SEC24D: variants seen among roughly 807,000 people sequenced by gnomAD.
SEC24D encodes the protein protein transport protein Sec24D.
In SEC24D, 69 loss-of-function variants were observed where a neutral mutation model predicts 116.9. The ratio of observed to expected loss-of-function variants is 0.59; its 90% CI spans 0.49 to 0.72. The LOEUF is 0.72. SEC24D is among the 30% of genes least tolerant of loss of function. The pLI is 0.00. For synonymous variants in SEC24D, 405 were observed against 442.8 expected (o/e 0.91, Z 1.07); for missense variants, 1,131 against 1,264.1 (o/e 0.89, Z 1.60).
At chr4:118,765,690 GTAAAGAACAACATTGCCATTT>G (rs1475120132) in intron 9 of SEC24D, among the ~76,000 whole-genome samples, 44 of 152,252 alleles carry the variant, frequency 2.9e-4, no homozygotes, top group African/African-American at 1.0e-3. Flanking sequence ...TAAACTTTTT[GTAAAGAACAACATTGCCATTT>G]GTAAAAACCA....
chr4:118,801,814 ATT>A (rs890988000), intron 7 of SEC24D, among the ~76,000 whole-genome samples: 2 of 152,236 alleles, frequency 1.3e-5, no homozygotes, highest in Admixed American at 1.3e-4. Context: ...GCAATTGAGA[ATT>A]TGTTTCTATA....
chr4:118,754,782 CTTTA>C (rs973210507), intron 11 of SEC24D, among the ~76,000 whole-genome samples: 1 of 152,086 alleles, frequency 6.6e-6, no homozygotes, highest in Non-Finnish European at 1.5e-5. Flanking sequence ...CAAATTAAGG[CTTTA>C]TTTTTTTGAG....
At chr4:118,790,477 A>T (rs1560702902) in intron 8 of SEC24D, among the ~76,000 whole-genome samples, 1 of 152,206 alleles carries the variant, frequency 6.6e-6, no homozygotes, top group Non-Finnish European at 1.5e-5. Context: ...CAAAAATTAA[A>T]ACACAGTTTA....
At chr4:118,742,074 TGAAA>T (rs1265191756) in intron 15 of SEC24D, among the ~76,000 whole-genome samples, 3 of 152,118 alleles carry the variant, frequency 2.0e-5, no homozygotes, top group Non-Finnish European at 4.4e-5. Context: ...TTAGTAACAT[TGAAA>T]GAATCAGTAA....
intron 8 of SEC24D, among the ~76,000 whole-genome samples, chr4:118,776,899 A>G (rs1400904729): frequency 6.6e-6 from 1 of 152,178 alleles, no homozygotes; most frequent in African/African-American, 2.4e-5. Context: ...TGACAGAACA[A>G]TTGGCAGCTT....
chr4:118,750,743 T>C (rs146799216), intron 13 of SEC24D, among the ~76,000 whole-genome samples: 26 of 152,328 alleles, frequency 1.7e-4, no homozygotes, highest in Middle Eastern at 3.4e-3. Context: ...TTCCTTTCTT[T>C]CTGAAGACCA....
chr4:118,765,262 T>C (rs1224785899), intron 9 of SEC24D, among the ~76,000 whole-genome samples: 4 of 152,236 alleles, frequency 2.6e-5, no homozygotes, highest in Non-Finnish European at 4.4e-5. Flanking sequence ...TTCTAACTAT[T>C]TGAATTTTTA....
chr4:118,757,538 T>A (rs1237597299), intron 11 of SEC24D, among the ~76,000 whole-genome samples, 183 bp downstream of exon 11: 4 of 152,186 alleles, frequency 2.6e-5, no homozygotes, highest in African/African-American at 9.7e-5. Flanking sequence ...TTCTTTTGCT[T>A]TGTACAAAAG....
intron 10 of SEC24D, among the ~76,000 whole-genome samples, chr4:118,759,649 C>T (rs1392287472): frequency 3.3e-5 from 5 of 152,322 alleles, no homozygotes; most frequent in Non-Finnish European, 7.4e-5. Context: ...CACCAGACCA[C>T]TTTGGCTCTC....
At chr4:118,820,711 G>T (rs1730366671) in intron 3 of SEC24D, among the ~76,000 whole-genome samples, 1 of 151,596 alleles carries the variant, frequency 6.6e-6, no homozygotes. Context: ...ACCATATAGA[G>T]TTAAATAAAT....
intron 19 of SEC24D, among the ~76,000 whole-genome samples, chr4:118,733,512 A>G (rs542905083): frequency 9.2e-5 from 14 of 152,300 alleles, no homozygotes; most frequent in Non-Finnish European, 1.6e-4. Flanking sequence ...AAAATATTAA[A>G]TGCCATTGTG....
intron 16 of SEC24D, 55 bp from the exon 17 acceptor site, chr4:118,740,863 C>T: frequency 1.2e-6 from 2 of 1,602,480 alleles, no homozygotes; most frequent in Non-Finnish European, 8.5e-7. Flanking sequence ...CTGTTATTTT[C>T]TTTGTTGGCC....
intron 15 of SEC24D, among the ~76,000 whole-genome samples, chr4:118,742,783 T>C (rs1258816827): frequency 1.3e-5 from 2 of 152,056 alleles, no homozygotes; most frequent in Admixed American, 6.5e-5. Flanking sequence ...ACATTAGAGG[T>C]ACACCCCTGA....
intron 6 of SEC24D, among the ~76,000 whole-genome samples, chr4:118,812,695 C>T (rs1729969808): frequency 6.6e-6 from 1 of 152,116 alleles, no homozygotes; most frequent in Non-Finnish European, 1.5e-5. Flanking sequence ...TACTTCTACT[C>T]AATAAAACCT....
rs771252424 is a variant in SEC24D, at chr4:118,764,863, T to C, written c.1235A>G (p.Tyr412Cys). 8.1e-6 allele frequency: 13 copies of C among 1,611,708 alleles called. No homozygotes were observed. The South Asian group carries it at 1.2e-4, about 15-fold the overall frequency. Residue 412 changes from tyrosine to cysteine, a missense_variant, in exon 10 of 23, where the codon TAT becomes TGT. Tyr to Cys is a radical substitution (Grantham distance 194). Transcript: ENST00000280551. ...TCCTAGAGATAACTCTGGTTTCTCA[T>C]AGTGGTCCAGTCTTCTTCCAATGTG... ...LDHIGRRLDH[Y>C]EKPELSLGSY...
chr4:118,755,940 C>T (rs527339891), intron 11 of SEC24D, among the ~76,000 whole-genome samples: 4 of 152,042 alleles, frequency 2.6e-5, no homozygotes, highest in Admixed American at 6.6e-5. Flanking sequence ...CAAAGTCACA[C>T]ATCTGTGCTC....
At chr4:118,813,141 G>C (rs1237149859) in intron 6 of SEC24D, among the ~76,000 whole-genome samples, 1 of 152,188 alleles carries the variant, frequency 6.6e-6, no homozygotes, top group Non-Finnish European at 1.5e-5. Flanking sequence ...GTATAAGAAA[G>C]AGGCAGAGGA....
chr4:118,755,703 T>C (rs1410188304), intron 11 of SEC24D, among the ~76,000 whole-genome samples: 1 of 152,050 alleles, frequency 6.6e-6, no homozygotes, highest in African/African-American at 2.4e-5. Context: ...TTTAAAAAGC[T>C]GTTTGGCAAG....
chr4:118,804,843 G>A (rs1456959190), intron 7 of SEC24D, among the ~76,000 whole-genome samples: 2 of 150,138 alleles, frequency 1.3e-5, no homozygotes, highest in Non-Finnish European at 3.0e-5. Context: ...TGTGTATTGA[G>A]CCCTCTATAC....
Sources: allele counts gnomAD v4.1 joint callset (sites outside exome capture counted in the v4.1 genomes callset), GRCh38; gene constraint gnomAD v4.1.1; transcripts MANE v1.5; gene names NCBI Gene and HGNC (gene_info 2026-07-23, HGNC 2026-07-21).